Variants in CYFIP1 observed in about 807,000 individuals in gnomAD.
CYFIP1 encodes the protein cytoplasmic FMR1 interacting protein 1.
CYFIP1 carries 58 observed loss-of-function variants against 163.5 expected under a neutral mutation model. That is an observed-to-expected ratio of 0.35 (90% CI 0.29 to 0.44). The LOEUF is 0.44. CYFIP1 is among the 20% of genes least tolerant of loss of function. The probability of loss-of-function intolerance (pLI) is 1.00; values close to 1 mark genes in which losing one functional copy is unlikely to be tolerated. For missense variants in CYFIP1, 1,338 were observed against 1,653.8 expected, an observed-to-expected ratio of 0.81 and a Z score of 3.31; for synonymous variants, 663 against 660.7, an observed-to-expected ratio of 1.00 and a Z score of -0.05.
intron 27 of CYFIP1, 62 bp from the exon 28 acceptor site, chr15:22,874,706 G>A (rs1219884712): frequency 9.1e-7 from 1 of 1,102,640 alleles, no homozygotes; most frequent in Non-Finnish European, 1.2e-6. Context: ...AATTGCAAAG[G>A]TTTACATTTG....
intron 12 of CYFIP1, 47 bp from the exon 13 acceptor site, chr15:22,926,154 G>T (rs557533668): frequency 1.2e-6 from 2 of 1,610,954 alleles, no homozygotes; most frequent in East Asian, 4.5e-5. Context: ...CATGCAAAAC[G>T]CCTGGCTTCT....
chr15:22,933,726 T>C lies in CYFIP1; in HGVS notation c.992+76A>G, dbSNP rs922882051. 3.8e-6 allele frequency: 4 copies of C among 1,054,278 alleles called. No individual in the cohort carries two copies. In the East Asian group the frequency reaches 7.1e-5, roughly 19 times the overall value. The allele number at this position is 1,054,278 out of a possible 1,614,324, so 65.3% of individuals were successfully genotyped here. On this transcript the variant is annotated intron_variant, in intron 10 of 30. Coordinates refer to ENST00000617928, the MANE Select transcript of CYFIP1 (RefSeq NM_014608.6). ...GTTAACAGTGTTATCTCTAGACAAATAAGCAGGATGTTTGAAAACCGCACA... is the reference window on the plus strand; with the variant it reads ...GTTAACAGTGTTATCTCTAGACAAACAAGCAGGATGTTTGAAAACCGCACA...
In CYFIP1 at chr15:22,950,138, G is replaced by A. The variant is rs571695305; in HGVS notation, c.-6-2847C>T. Among the ~76,000 whole-genome samples the A allele has an allele frequency of 2.6e-5, 4 of 152,206 alleles. No individual in the cohort carries two copies. The East Asian group carries it at 7.7e-4, about 29-fold the overall frequency. ...AGTCAGATAATAAAATGGTAGACCTGAATCGAAACACATTGATAATTACAC... is the reference window on the plus strand; with the variant it reads ...AGTCAGATAATAAAATGGTAGACCTAAATCGAAACACATTGATAATTACAC... On this transcript the variant is annotated intron_variant, in intron 1 of 30. Transcript: ENST00000617928.
At chr15:22,978,923 G>T (rs1595751356) in intron 1 of CYFIP1, among the ~76,000 whole-genome samples, 1 of 152,150 alleles carries the variant, frequency 6.6e-6, no homozygotes, top group Non-Finnish European at 1.5e-5. Context: ...GACTGCGGTG[G>T]AAGTCACTAC....
chr15:22,945,256 G>A (rs1023752430), intron 3 of CYFIP1, among the ~76,000 whole-genome samples: 3 of 152,144 alleles, frequency 2.0e-5, no homozygotes, highest in African/African-American at 7.2e-5. Context: ...CTGCAGTTAG[G>A]AACACAGAGG....
chr15:22,873,433 C>G lies in CYFIP1; in HGVS notation c.3449+58G>C, dbSNP rs925986671. 5.0e-5 allele frequency: 71 copies of G among 1,430,952 alleles called. 1 individual carries two copies. The highest frequency in any genetic ancestry group is 6.6e-5 in the Non-Finnish European group (68 of 1,028,576). 88.6% of individuals were successfully genotyped at this position (1,430,952 alleles called of 1,614,324 possible). ...TGCTTGTTAGCCTAACACGCCTCCC[C>G]TCCCCCACAGCTCCTCCCCTCCTCT... is the stretch of plus-strand genomic sequence containing the variant. On this transcript the variant is annotated intron_variant, in intron 29 of 30. Transcript: ENST00000617928.
intron 22 of CYFIP1, among the ~76,000 whole-genome samples, chr15:22,894,977 T>A (rs1384106238): frequency 6.7e-6 from 1 of 150,202 alleles, no homozygotes. Context: ...CACCTCAGCC[T>A]CATGAGTATC....
intron 24 of CYFIP1, among the ~76,000 whole-genome samples, chr15:22,882,573 G>A (rs2059797490): frequency 2.0e-5 from 3 of 152,220 alleles, no homozygotes; most frequent in South Asian, 2.1e-4. Flanking sequence ...GGGAGGCCAA[G>A]ATGGGCAGAT....
chr15:22,964,403 A>G (rs1385162939), intron 1 of CYFIP1, among the ~76,000 whole-genome samples: 9 of 137,206 alleles, frequency 6.6e-5, no homozygotes, highest in African/African-American at 1.1e-4. Flanking sequence ...ACACACACAC[A>G]CACACCCGGC....
chr15:22,931,031 G>A (rs2061519642), intron 11 of CYFIP1, among the ~76,000 whole-genome samples: 1 of 152,046 alleles, frequency 6.6e-6, no homozygotes, highest in South Asian at 2.1e-4. Flanking sequence ...GAAGCAGCAG[G>A]TGCCCCAACA....
At chr15:22,885,517 G>A (rs1363002506) in intron 23 of CYFIP1, among the ~76,000 whole-genome samples, 2 of 152,158 alleles carry the variant, frequency 1.3e-5, no homozygotes, top group East Asian at 3.9e-4. Context: ...TGGATCACAA[G>A]GTCAGGAGTT....
Position 22,909,271 on chromosome 15 carries a change from G to A in CYFIP1, c.2311C>T (p.Arg771Cys), listed in dbSNP as rs766164471. 7.4e-6 allele frequency: 12 copies of A among 1,614,034 alleles called. No individual in the cohort carries two copies. Among genetic ancestry groups the A allele is most frequent in the East Asian group, 4.5e-5 (2 of 44,900 alleles). Residue 771 changes from arginine (R) to cysteine (C), a missense_variant, in exon 21 of 31, where the codon CGC (arginine) becomes TGC (cysteine). Around this residue, in one of 4 missense-constraint regions of CYFIP1, gnomAD observed 824 missense variants for 995.7 expected, o/e 0.83. Coordinates refer to ENST00000617928, the MANE Select transcript of CYFIP1 (RefSeq NM_014608.6). ...GACTTATACATGGCTGCTGAGACGC[G>A]CTGGGTGATCAGACGATTGAGGTCT... ...SIDLNRLITQ[R>C]VSAAMYKSLE...
At chr15:22,968,270 A>C (rs897689291) in intron 1 of CYFIP1, among the ~76,000 whole-genome samples, 1 of 152,222 alleles carries the variant, frequency 6.6e-6, no homozygotes, top group Non-Finnish European at 1.5e-5. Flanking sequence ...ACTCCAATCT[A>C]AACATTGCTA....
Position 22,873,482 on chromosome 15 carries a change from C to G in CYFIP1, c.3449+9G>C. The G allele has an allele frequency of 1.2e-6, 2 of 1,609,460 alleles. No homozygotes were observed. The highest frequency in any genetic ancestry group is 1.7e-6 in the Non-Finnish European group (2 of 1,176,122). On this transcript the variant is annotated intron_variant, in intron 29 of 30. Transcript: ENST00000617928. ...CTGGGGCTTTGTCCTGCTCTCAGCA[C>G]ACACTTACTCGACTGTGAACTCGTG... is the stretch of plus-strand genomic sequence containing the variant.
intron 1 of CYFIP1, among the ~76,000 whole-genome samples, 199 bp from the exon 2 acceptor site, chr15:22,947,490 G>A (rs1260446709): frequency 2.0e-5 from 3 of 152,148 alleles, no homozygotes; most frequent in Non-Finnish European, 4.4e-5. Context: ...GAGGCCCTGT[G>A]CAGCTTATCC....
intron 23 of CYFIP1, among the ~76,000 whole-genome samples, chr15:22,888,762 C>A (rs978168820): frequency 6.6e-6 from 1 of 151,528 alleles, no homozygotes; most frequent in Admixed American, 6.6e-5. Context: ...TGGTTTATGG[C>A]CAGGCACAGT....
chr15:22,873,305 T>TA (rs1348620391), intron 29 of CYFIP1, among the ~76,000 whole-genome samples, 186 bp downstream of exon 29: 1 of 152,128 alleles, frequency 6.6e-6, no homozygotes, highest in Non-Finnish European at 1.5e-5. Context: ...CCCTGAATAC[T>TA]AGAGTCCTGA....
intron 22 of CYFIP1, among the ~76,000 whole-genome samples, chr15:22,898,763 G>A (rs185511664): frequency 2.0e-4 from 30 of 152,124 alleles, no homozygotes; most frequent in Non-Finnish European, 3.8e-4. Context: ...CAGCACTTTG[G>A]GAGGCTGAGG....
intron 9 of CYFIP1, among the ~76,000 whole-genome samples, chr15:22,934,647 G>A (rs1255961965): frequency 6.6e-6 from 1 of 150,544 alleles, no homozygotes; most frequent in Non-Finnish European, 1.5e-5. Context: ...ACAGGCAACT[G>A]CCACCATGCC....
Sources: allele counts gnomAD v4.1 joint callset (sites outside exome capture counted in the v4.1 genomes callset), GRCh38; gene constraint gnomAD v4.1.1; regional missense constraint gnomAD v4.1.1; transcripts MANE v1.5; gene names NCBI Gene and HGNC (gene_info 2026-07-23, HGNC 2026-07-21).